PARM1: variants seen among roughly 807,000 people sequenced by gnomAD.
The protein encoded by PARM1 is WSC4, cell wall integrity and stress response component 4 homolog.
In PARM1, 14 loss-of-function variants were observed where a neutral mutation model predicts 24.6. The ratio of observed to expected loss-of-function variants is 0.57; its 90% CI spans 0.38 to 0.89. PARM1 has a LOEUF of 0.89. Among genes scored for constraint, PARM1 ranks in the 40% least tolerant of loss-of-function variants. The pLI is 0.00. For synonymous variants in PARM1, 179 were observed against 156.6 expected, an observed-to-expected ratio of 1.14 and a Z score of -1.07; for missense variants, 362 against 380.4, an observed-to-expected ratio of 0.95 and a Z score of 0.40.
rs547470097 is a variant in PARM1 at position 74,997,112 on chromosome 4, A to G, written c.44-15313A>G. On this transcript the variant is annotated intron_variant, in intron 1 of 3. Coordinates refer to ENST00000307428, the MANE Select transcript of PARM1 (RefSeq NM_015393.4). ...CATGCTTGTGCTTCCTCCTGCAGAG[A>G]CCTGACTCACAGCTGATAAGTGCCT... Among the ~76,000 whole-genome samples, 7 of 152,260 alleles carry G rather than the reference A, an allele frequency of 4.6e-5. No individual in the cohort carries two copies. The South Asian group carries it at 1.5e-3, about 32-fold the overall frequency.
At chr4:74,999,211 C>G (rs942510802) in intron 1 of PARM1, 1 of 152,210 alleles carries the variant, frequency 6.6e-6, no homozygotes, top group Admixed American at 6.5e-5. Flanking sequence ...AGAACTTCAT[C>G]CCAACACTGT....
chr4:75,021,979 A>G (rs1413428047), intron 2 of PARM1, among the ~76,000 whole-genome samples: 1 of 152,234 alleles, frequency 6.6e-6, no homozygotes, highest in Non-Finnish European at 1.5e-5. Flanking sequence ...ATACTCAATA[A>G]TGAGATTACT....
At chr4:74,958,153 A>C (rs1721683668) in intron 1 of PARM1, among the ~76,000 whole-genome samples, 2 of 152,222 alleles carry the variant, frequency 1.3e-5, no homozygotes, top group African/African-American at 4.8e-5. Context: ...GCGTGTTCCA[A>C]GAATAATGGA....
intron 1 of PARM1, among the ~76,000 whole-genome samples, chr4:74,949,542 G>A (rs1485624805): frequency 6.6e-6 from 1 of 152,204 alleles, no homozygotes; most frequent in African/African-American, 2.4e-5. Context: ...TCGATCTCCT[G>A]ACCTTGTGAT....
At chr4:75,022,517 A>G (rs1723105865) in intron 2 of PARM1, among the ~76,000 whole-genome samples, 2 of 152,224 alleles carry the variant, frequency 1.3e-5, no homozygotes, top group African/African-American at 4.8e-5. Flanking sequence ...TAACTCTATC[A>G]CATGTTTTAA....
intron 1 of PARM1, among the ~76,000 whole-genome samples, chr4:74,934,838 C>CAGTAG: frequency 6.6e-6 from 1 of 152,286 alleles, no homozygotes; most frequent in South Asian, 2.1e-4. Context: ...TTGAGTGAGT[C>CAGTAG]AGTAGAGAGG....
chr4:75,034,500 G>C (rs1391780783), intron 3 of PARM1, among the ~76,000 whole-genome samples: 1 of 152,050 alleles, frequency 6.6e-6, no homozygotes, highest in African/African-American at 2.4e-5. Context: ...TTATATTTTT[G>C]GCTTTAAAAT....
Position 74,933,286 on chromosome 4 carries a change from C to A in PARM1, c.-42C>A, listed in dbSNP as rs529404757. On this transcript the variant is annotated 5_prime_UTR_variant, in exon 1 of 4. Coordinates refer to ENST00000307428, the MANE Select transcript of PARM1 (RefSeq NM_015393.4). ...GTGCGCTCTGTCAGTCCGCAAACTC[C>A]TTGCCGCCCGCCCCGGGCTGGGCAC... 2.5e-6 allele frequency: 4 copies of A among 1,596,654 alleles called. No individual in the cohort carries two copies. The highest frequency in any genetic ancestry group is 3.4e-6 in the Non-Finnish European group (4 of 1,167,342).
intron 1 of PARM1, among the ~76,000 whole-genome samples, chr4:74,934,727 T>C (rs1721140315): frequency 6.6e-6 from 1 of 152,144 alleles, no homozygotes; most frequent in African/African-American, 2.4e-5. Flanking sequence ...CTGCGGGTGG[T>C]AATTCCTGTA....
intron 1 of PARM1, among the ~76,000 whole-genome samples, chr4:74,973,074 A>G (rs1171044400): frequency 6.6e-6 from 1 of 152,162 alleles, no homozygotes; most frequent in Non-Finnish European, 1.5e-5. Context: ...AATAACAAGA[A>G]TGGATTTTCT....
chr4:74,934,437 T>C (rs1313059640), intron 1 of PARM1, among the ~76,000 whole-genome samples: 1 of 152,222 alleles, frequency 6.6e-6, no homozygotes, highest in Non-Finnish European at 1.5e-5. Flanking sequence ...ACACGAGTCG[T>C]CGCAATCCCT....
At chr4:74,943,798 G>A (rs1413639853) in intron 1 of PARM1, among the ~76,000 whole-genome samples, 2 of 152,190 alleles carry the variant, frequency 1.3e-5, no homozygotes, top group Admixed American at 1.3e-4. Context: ...TTGAGTCTAA[G>A]GGAAGCACTA....
At chr4:75,015,811 A>T (rs1722974016) in intron 2 of PARM1, among the ~76,000 whole-genome samples, 1 of 152,206 alleles carries the variant, frequency 6.6e-6, no homozygotes, top group South Asian at 2.1e-4. Context: ...CTCTAAGCCA[A>T]GTCAAGTCCT....
intron 1 of PARM1, among the ~76,000 whole-genome samples, chr4:74,943,624 G>A (rs929969746): frequency 6.6e-6 from 1 of 152,014 alleles, no homozygotes; most frequent in African/African-American, 2.4e-5. Context: ...GCTTTATTTG[G>A]TGCCATAGAC....
intron 1 of PARM1, among the ~76,000 whole-genome samples, chr4:74,997,151 G>A (rs1394100783): frequency 6.6e-6 from 1 of 152,138 alleles, no homozygotes; most frequent in African/African-American, 2.4e-5. Flanking sequence ...GGGTGAGATG[G>A]GAACCTGTCG....
chr4:74,979,364 A>C (rs1213785908), intron 1 of PARM1, among the ~76,000 whole-genome samples: 2 of 152,206 alleles, frequency 1.3e-5, no homozygotes, highest in African/African-American at 4.8e-5. Flanking sequence ...AATCTAGAAG[A>C]AAAGGATAAA....
At chr4:74,944,140 A>G (rs1009887454) in intron 1 of PARM1, among the ~76,000 whole-genome samples, 1 of 152,220 alleles carries the variant, frequency 6.6e-6, no homozygotes, top group African/African-American at 2.4e-5. Context: ...CAGCTACATC[A>G]TGAAACAAAT....
At chr4:74,971,394 G>A (rs140130870) in intron 1 of PARM1, among the ~76,000 whole-genome samples, 140 of 152,288 alleles carry the variant, frequency 9.2e-4, no homozygotes, top group African/African-American at 3.1e-3. Context: ...TGGGGATTAT[G>A]GGAGTTATAA....
chr4:75,008,760 T>TTGAA (rs568933343), intron 1 of PARM1, among the ~76,000 whole-genome samples: 78 of 152,320 alleles, frequency 5.1e-4, no homozygotes, highest in Middle Eastern at 6.8e-3. Flanking sequence ...CAATAAATTC[T>TTGAA]TGAATGAATG....
Sources: allele counts gnomAD v4.1 joint callset (sites outside exome capture counted in the v4.1 genomes callset), GRCh38; gene constraint gnomAD v4.1.1; transcripts MANE v1.5; gene names NCBI Gene and HGNC (gene_info 2026-07-23, HGNC 2026-07-21).